Variants in PKHD1 observed in about 807,000 individuals in gnomAD.
The protein encoded by PKHD1 is fibrocystin.
Under a neutral mutation model 412.0 loss-of-function variants are expected in PKHD1, and 291 were observed. The ratio of observed to expected loss-of-function variants is 0.71; its 90% CI spans 0.64 to 0.78. The LOEUF (loss-of-function observed/expected upper bound fraction) is 0.78. PKHD1 is among the 30% of genes least tolerant of loss of function. PKHD1 has a pLI of 0.00. For synonymous variants in PKHD1, 1,777 were observed against 1,821.5 expected (o/e 0.98, Z 0.62); for missense variants, 4,825 against 4,950.7 (o/e 0.97, Z 0.76).
At chr6:52,035,382 A>G (rs1334899687) in intron 28 of PKHD1, among the ~76,000 whole-genome samples, 1 of 152,220 alleles carries the variant, frequency 6.6e-6, no homozygotes, top group Non-Finnish European at 1.5e-5. Flanking sequence ...CTTCTTTTTA[A>G]GAAATTAATT....
At chr6:51,980,249 GT>G (rs1237065619) in intron 35 of PKHD1, among the ~76,000 whole-genome samples, 1 of 152,032 alleles carries the variant, frequency 6.6e-6, no homozygotes, top group Admixed American at 6.6e-5. Context: ...CTATTTCGTG[GT>G]TTTTTTCAAA....
intron 37 of PKHD1, among the ~76,000 whole-genome samples, chr6:51,924,676 C>A (rs1785243731): frequency 6.6e-6 from 1 of 152,120 alleles, no homozygotes; most frequent in Non-Finnish European, 1.5e-5. Flanking sequence ...TATGGGCTCA[C>A]AAGTTATCTA....
At chr6:51,841,198 A>G (rs1770122696) in intron 50 of PKHD1, among the ~76,000 whole-genome samples, 1 of 152,228 alleles carries the variant, frequency 6.6e-6, no homozygotes, top group Non-Finnish European at 1.5e-5. Context: ...TTAAAAAAAG[A>G]AAAGATGGTA....
At chr6:51,927,507 G>A (rs971679606) in intron 37 of PKHD1, among the ~76,000 whole-genome samples, 2 of 152,202 alleles carry the variant, frequency 1.3e-5, no homozygotes, top group East Asian at 1.9e-4. Context: ...AGATGGGGAT[G>A]AGCCATCAGC....
intron 64 of PKHD1, among the ~76,000 whole-genome samples, chr6:51,635,883 G>GGGGGCA (rs1768500843): frequency 2.5e-5 from 3 of 120,114 alleles, no homozygotes; most frequent in East Asian, 2.6e-4. Context: ...GGCCGGGGGC[G>GGGGGCA]GATTTGTGGG....
At chr6:52,045,358 C>T (rs1001806850) in intron 24 of PKHD1, among the ~76,000 whole-genome samples, 2 of 152,192 alleles carry the variant, frequency 1.3e-5, no homozygotes, top group Non-Finnish European at 2.9e-5. Flanking sequence ...AGACACTTTG[C>T]TTCTCCATGC....
intron 37 of PKHD1, among the ~76,000 whole-genome samples, chr6:51,921,928 T>C (rs185859865): frequency 7.5e-4 from 115 of 152,366 alleles, no homozygotes; most frequent in Middle Eastern, 6.8e-3. Context: ...AGCCTACTTC[T>C]GTCAACTCAT....
intron 45 of PKHD1, 117 bp downstream of exon 45, chr6:51,885,750 C>G (rs1340616254): frequency 5.3e-6 from 4 of 751,708 alleles, no homozygotes; most frequent in Non-Finnish European, 9.5e-6. Context: ...CAATGCTCCC[C>G]TCAAGGGCAA....
Position 52,025,341 on chromosome 6 carries a change from G to A in PKHD1, c.4469C>T (p.Ala1490Val). 6.2e-7 allele frequency: 1 copy of A among 1,614,010 alleles called. No homozygotes were observed. Among genetic ancestry groups the A allele is most frequent in the Non-Finnish European group, 8.5e-7 (1 of 1,179,960 alleles). Residue 1490 changes from alanine (A) to valine (V), a missense_variant, in exon 32 of 67, where the codon GCC (alanine) becomes GTC (valine). Coordinates refer to ENST00000371117, the MANE Select transcript of PKHD1 (RefSeq NM_138694.4). ...AGACCCACTGGTGTTTGTGGACAAG[G>A]CATCCATGACAGGACTTGCCTCTTC... ...IREEASPVMD[A>V]LSTNTSGSLT...
intron 48 of PKHD1, among the ~76,000 whole-genome samples, chr6:51,857,160 T>C (rs1773436503): frequency 6.6e-6 from 1 of 151,860 alleles, no homozygotes; most frequent in Non-Finnish European, 1.5e-5. Context: ...TAGCCAATGA[T>C]TAGACCCCTA....
intron 60 of PKHD1, among the ~76,000 whole-genome samples, chr6:51,727,387 G>A (rs1782709223): frequency 6.6e-6 from 1 of 152,200 alleles, no homozygotes; most frequent in Non-Finnish European, 1.5e-5. Flanking sequence ...ACCGAGACAA[G>A]TTTCAGAGCA....
At chr6:51,786,323 G>C (rs1562307438) in intron 53 of PKHD1, among the ~76,000 whole-genome samples, 1 of 152,056 alleles carries the variant, frequency 6.6e-6, no homozygotes, top group Non-Finnish European at 1.5e-5. Flanking sequence ...TTTAACTCCT[G>C]TACCTTACTT....
At chr6:51,803,328 T>C (rs1763220941) in intron 52 of PKHD1, among the ~76,000 whole-genome samples, 1 of 151,128 alleles carries the variant, frequency 6.6e-6, no homozygotes, top group Non-Finnish European at 1.5e-5. Flanking sequence ...TTCCAAAATA[T>C]GTTATTTTCC....
At chr6:51,982,232 A>AGGT (rs1795498633) in intron 35 of PKHD1, among the ~76,000 whole-genome samples, 1 of 30,152 alleles carries the variant, frequency 3.3e-5, no homozygotes, top group African/African-American at 8.0e-5. Context: ...CCGGGAGGTG[A>AGGT]GGGGCGCTTC....
intron 52 of PKHD1, among the ~76,000 whole-genome samples, chr6:51,805,950 C>T (rs6458794): frequency 0.6 from 90,777 of 151,650 alleles, 27,561 homozygotes; most frequent in East Asian, 0.78. Flanking sequence ...AATAAACATA[C>T]GTGTGCATGT....
intron 48 of PKHD1, among the ~76,000 whole-genome samples, 161 bp from the exon 49 acceptor site, chr6:51,856,231 T>G (rs760145649): frequency 3.7e-4 from 57 of 152,252 alleles, no homozygotes; most frequent in Non-Finnish European, 6.2e-4. Flanking sequence ...TAGCAGTCAC[T>G]GTGTGAGTGA....
At chr6:51,625,297 A>G (rs1163788561) in intron 66 of PKHD1, among the ~76,000 whole-genome samples, 1 of 152,182 alleles carries the variant, frequency 6.6e-6, no homozygotes, top group African/African-American at 2.4e-5. Context: ...GGGAAACTAA[A>G]GTGCCATGGC....
intron 60 of PKHD1, among the ~76,000 whole-genome samples, chr6:51,723,055 T>TA (rs2150837790): frequency 6.6e-6 from 1 of 152,370 alleles, no homozygotes; most frequent in South Asian, 2.1e-4. Context: ...GCTAATTTTT[T>TA]ATTGAAAGGC....
At chr6:52,086,330 T>G (rs1181755930) in intron 1 of PKHD1, among the ~76,000 whole-genome samples, 3 of 151,888 alleles carry the variant, frequency 2.0e-5, no homozygotes, top group Non-Finnish European at 4.4e-5. Context: ...AGACTGGTCT[T>G]GAACTCCTGG....
Sources: allele counts gnomAD v4.1 joint callset (sites outside exome capture counted in the v4.1 genomes callset), GRCh38; gene constraint gnomAD v4.1.1; transcripts MANE v1.5; gene names NCBI Gene and HGNC (gene_info 2026-07-23, HGNC 2026-07-21).